The following THNSL2 variants were observed in gnomAD, a reference collection of about 807,000 sequenced individuals.
THNSL2 encodes the protein threonine synthase like 2.
THNSL2 carries 34 observed loss-of-function variants against 40.0 expected under a neutral mutation model. The ratio of observed to expected loss-of-function variants is 0.85; its 90% confidence interval spans 0.65 to 1.13. The LOEUF (loss-of-function observed/expected upper bound fraction) is 1.13. Among genes scored for constraint, THNSL2 ranks in the 50% most tolerant of loss-of-function variants. The pLI is 0.00. For missense variants in THNSL2, 537 were observed against 608.8 expected (o/e 0.88, Z 1.24); for synonymous variants, 241 against 247.5 (o/e 0.97, Z 0.25).
Position 88,186,206 on chromosome 2 carries a change from G to T in THNSL2, c.*83G>T, listed in dbSNP as rs918998557. The T allele has an allele frequency of 1.4e-6, 2 of 1,382,192 alleles. No individual in the cohort carries two copies. The highest frequency in any genetic ancestry group is 2.0e-6 in the Non-Finnish European group (2 of 1,000,140). 85.6% of individuals were successfully genotyped at this position (1,382,192 alleles called of 1,614,324 possible). ...CTGCCTTGTGCACCCTCCCCATTAA[G>T]CGTAGGTTAGGAGGTTTCCGGGAGG... On this transcript the variant is annotated 3_prime_UTR_variant, in exon 9 of 9. Coordinates refer to ENST00000674334, the MANE Select transcript of THNSL2 (RefSeq NM_018271.5).
At chr2:88,176,038 A>G (rs1676901825) in intron 4 of THNSL2, 1 of 152,292 alleles carries the variant, frequency 6.6e-6, no homozygotes, top group Non-Finnish European at 1.5e-5. Context: ...GCTGCAGTGA[A>G]CCAAGATCAT....
chr2:88,182,989 C>T lies in THNSL2; in HGVS notation c.993C>T (p.Gly331=), dbSNP rs1446816616. 8 of 1,613,990 alleles carry T rather than the reference C, an allele frequency of 5.0e-6. No homozygotes were observed. In the East Asian group the frequency reaches 8.9e-5, roughly 18 times the overall value. ...NMERVFWLLS[G]SDSQVTRALM... ...AGAGGGTGTTCTGGCTGCTCTCTGGCTCTGACAGCCAGGTGACAAGAGCCC... is the reference window on the plus strand; with the variant it reads ...AGAGGGTGTTCTGGCTGCTCTCTGGTTCTGACAGCCAGGTGACAAGAGCCC... The change falls in exon 7 of 9, where the codon GGC becomes GGT. Residue 331 remains glycine, a synonymous_variant. Coordinates refer to ENST00000674334, the MANE Select transcript of THNSL2 (RefSeq NM_018271.5).
chr2:88,178,707 C>T, intron 4 of THNSL2, 76 bp from the exon 5 acceptor site: 2 of 1,525,162 alleles, frequency 1.3e-6, no homozygotes, highest in Non-Finnish European at 1.8e-6. Context: ...TGGGAGGGCC[C>T]TGTCGCAGGT....
In THNSL2 at chr2:88,179,011, C is replaced by G; in HGVS notation, c.800C>G (p.Ala267Gly). The change falls in exon 5 of 9, where the codon GCA becomes GGA. Residue 267 changes from alanine (A) to glycine (G), a missense_variant and splice_region_variant. Ala to Gly is a moderately conservative substitution (Grantham distance 60). Transcript: ENST00000674334. ...VVPTGAAGNL[A>G]AGYIAQKIGL... ...CCAACAGGGGCTGCCGGTAACCTTG[C>G]AGGTAAGGAATCCCCGGGGCACAAA... 4 of 1,614,154 alleles carry G rather than the reference C, an allele frequency of 2.5e-6. No individual in the cohort carries two copies. Among genetic ancestry groups the G allele is most frequent in the Non-Finnish European group, 3.4e-6 (4 of 1,179,996 alleles).
chr2:88,175,106 C>T, intron 3 of THNSL2, 143 bp from the exon 4 acceptor site: 3 of 960,202 alleles, frequency 3.1e-6, no homozygotes, highest in South Asian at 1.7e-5. Flanking sequence ...ATCCATGGAC[C>T]CTAGGTGGAG....
At chr2:88,179,096 T>A in intron 5 of THNSL2, 83 bp downstream of exon 5, 1 of 1,385,540 alleles carries the variant, frequency 7.2e-7, no homozygotes, top group Non-Finnish European at 1.0e-6. Flanking sequence ...TGGCTGCAAC[T>A]GTGAGGAGAA....
intron 7 of THNSL2, 60 bp downstream of exon 7, chr2:88,183,133 G>A (rs1427135139): frequency 1.5e-5 from 24 of 1,574,234 alleles, no homozygotes; most frequent in Middle Eastern, 2.3e-4. Context: ...AGCAGACTTG[G>A]GGTTTGGAAG....
chr2:88,185,203 C>A, intron 7 of THNSL2, 125 bp from the exon 8 acceptor site: 1 of 1,337,298 alleles, frequency 7.5e-7, no homozygotes. Flanking sequence ...ACATCTGAGC[C>A]ATTCGGTCTG....
chr2:88,178,460 C>G lies in THNSL2; in HGVS notation c.572-323C>G, dbSNP rs565199544. ...GGCATGGATTACAAAGAGAAATTCT[C>G]CCAGGATCCCAGAAGGTTGCCATTT... On this transcript the variant is annotated intron_variant, in intron 4 of 8. Coordinates refer to ENST00000674334, the MANE Select transcript of THNSL2 (RefSeq NM_018271.5). Among the ~76,000 whole-genome samples the G allele has an allele frequency of 2.6e-4, 39 of 152,300 alleles. No individual in the cohort carries two copies. The South Asian group carries it at 7.9e-3, about 31-fold the overall frequency.
At chr2:88,175,669 A>T in intron 4 of THNSL2, 2 of 401,574 alleles carry the variant, frequency 5.0e-6, no homozygotes, top group South Asian at 9.7e-5. Flanking sequence ...AAAAAATGCC[A>T]CCTCCATGCA....
intron 7 of THNSL2, chr2:88,183,666 TTCTC>T (rs967414873): frequency 6.6e-6 from 1 of 152,140 alleles, no homozygotes; most frequent in Non-Finnish European, 1.5e-5. Flanking sequence ...CTCCTTCCCT[TTCTC>T]TCTCTTATTT....
Position 88,173,214 on chromosome 2 carries a change from G to A in THNSL2, c.64G>A (p.Gly22Ser). Residue 22 changes from glycine to serine, a missense_variant, in exon 2 of 9, where the codon GGC (glycine) becomes AGC (serine). Transcript: ENST00000674334. ...CAACTTTGAGGGGGCCCTCTTCTCT[G>A]GCTATGCACCTGACGGGGGCCTCTT... ...RVNFEGALFS[G>S]YAPDGGLFMP... The A allele has an allele frequency of 6.2e-7, 1 of 1,610,100 alleles. No individual in the cohort carries two copies. Among genetic ancestry groups the A allele is most frequent in the Non-Finnish European group, 8.5e-7 (1 of 1,178,634 alleles).
At chr2:88,173,972 T>A (rs1223346407) in intron 2 of THNSL2, among the ~76,000 whole-genome samples, 7 of 152,168 alleles carry the variant, frequency 4.6e-5, no homozygotes, top group Non-Finnish European at 5.9e-5. Flanking sequence ...AAATCCATAA[T>A]GTAATGGTGG....
chr2:88,183,352 G>A lies in THNSL2; in HGVS notation c.1077+279G>A, dbSNP rs576688043. Reference sequence around the variant, plus strand: ...CTTGGTTCCTTCGTTTATAAAATGGGGATAATAAGAATGCCTACCTCATAG... The same window carrying A: ...CTTGGTTCCTTCGTTTATAAAATGGAGATAATAAGAATGCCTACCTCATAG... On this transcript the variant is annotated intron_variant, in intron 7 of 8. Transcript: ENST00000674334. 3 of 315,224 alleles carry A rather than the reference G, an allele frequency of 9.5e-6. No homozygotes were observed. The South Asian group carries it at 2.6e-4, about 27-fold the overall frequency. The allele number at this position is 315,224 out of a possible 1,614,324, so 19.5% of individuals were successfully genotyped here. A position where few individuals can be genotyped will look rare whatever the true frequency, so the allele number is the denominator to read the frequency against.
Position 88,173,279 on chromosome 2 carries a change from G to A in THNSL2, c.129G>A (p.Leu43=), listed in dbSNP as rs370944153. The A allele has an allele frequency of 3.7e-4, 598 of 1,612,574 alleles. 4 individuals carry two copies. In the South Asian group the frequency reaches 4.2e-3, roughly 11 times the overall value. Residue 43 remains leucine, a synonymous_variant, in exon 2 of 9, where the codon CTG becomes CTA. Coordinates refer to ENST00000674334, the MANE Select transcript of THNSL2 (RefSeq NM_018271.5). Reference sequence around the variant, plus strand: ...TCCCACAGTTGGACAGAGGGACCCTGTGCCAGTGGAGCACACTCTCCTATC... The same window carrying A: ...TCCCACAGTTGGACAGAGGGACCCTATGCCAGTGGAGCACACTCTCCTATC... The part of the protein sequence containing the change: ...EELPQLDRGT[L]CQWSTLSYPG...
chr2:88,185,720 G>C, intron 8 of THNSL2, 178 bp from the exon 9 acceptor site: 1 of 1,550,926 alleles, frequency 6.4e-7, no homozygotes, highest in Non-Finnish European at 8.7e-7. Flanking sequence ...GGAGCAGTTT[G>C]CCAGGTAGCG....
intron 5 of THNSL2, among the ~76,000 whole-genome samples, chr2:88,182,011 A>G (rs770460533): frequency 5.9e-5 from 9 of 152,170 alleles, no homozygotes; most frequent in Non-Finnish European, 1.2e-4. Flanking sequence ...TTATCAGTTT[A>G]TCAGCTGATA....
At chr2:88,173,983 T>C (rs2104138198) in intron 2 of THNSL2, among the ~76,000 whole-genome samples, 1 of 152,150 alleles carries the variant, frequency 6.6e-6, no homozygotes, top group Non-Finnish European at 1.5e-5. Context: ...GTAATGGTGG[T>C]GGTTTGGGGT....
chr2:88,174,993 T>C (rs1171798404), intron 3 of THNSL2, among the ~76,000 whole-genome samples, 160 bp downstream of exon 3: 4 of 152,204 alleles, frequency 2.6e-5, no homozygotes, highest in African/African-American at 9.7e-5. Flanking sequence ...TTTGCCAGGC[T>C]GATGGAGGCT....
Sources: gnomAD v4.1 joint callset for allele counts (sites outside exome capture counted in the v4.1 genomes callset) on GRCh38, gnomAD v4.1.1 for gene constraint, MANE v1.5 for transcripts, NCBI Gene and HGNC (gene_info 2026-07-23, HGNC 2026-07-21) for gene names.